The following UCP3 variants were observed in gnomAD, a reference collection of about 807,000 sequenced individuals.
UCP3 encodes putative mitochondrial transporter UCP3.
In UCP3, 24 loss-of-function variants were observed where a neutral mutation model predicts 28.1. That is an observed-to-expected ratio of 0.85 (90% CI 0.62 to 1.20). UCP3 has a LOEUF of 1.20. Among genes scored for constraint, UCP3 ranks in the 50% most tolerant of loss-of-function variants. The pLI is 0.00. For synonymous variants in UCP3, 184 were observed against 171.2 expected, an observed-to-expected ratio of 1.07 and a Z score of -0.59; for missense variants, 397 against 422.2, an observed-to-expected ratio of 0.94 and a Z score of 0.52.
intron 4 of UCP3, 47 bp from the exon 5 acceptor site, chr11:74,004,632 G>T: frequency 6.4e-7 from 1 of 1,561,340 alleles, no homozygotes; most frequent in Non-Finnish European, 8.8e-7. Context: ...TGGGGAGGGA[G>T]GAATGGGAAA....
intron 1 of UCP3, among the ~76,000 whole-genome samples, 152 bp downstream of exon 1, chr11:74,008,826 G>A (rs1277309694): frequency 6.6e-6 from 1 of 152,186 alleles, no homozygotes. Context: ...TCATAAGGTG[G>A]CGGCTGGACT....
At chr11:74,003,083 T>G in intron 6 of UCP3, 1 of 379,804 alleles carries the variant, frequency 2.6e-6, no homozygotes, top group Non-Finnish European at 3.6e-6. Flanking sequence ...AAGGGGCTGT[T>G]GGGATAACGT....
intron 6 of UCP3, chr11:74,003,574 C>T: frequency 9.8e-6 from 12 of 1,218,492 alleles, no homozygotes; most frequent in Non-Finnish European, 1.2e-5. Context: ...GGATTGCTAA[C>T]TTCCTCTGGA....
chr11:74,006,047 C>T (rs1951662743), intron 3 of UCP3, 114 bp from the exon 4 acceptor site: 15 of 1,557,916 alleles, frequency 9.6e-6, no homozygotes, highest in Non-Finnish European at 1.3e-5. Context: ...AGAGCCTCCT[C>T]ATAAGCGTCC....
At position 74,004,596 on chromosome 11, in the gene UCP3, G is replaced by A. The variant is rs201032231; in HGVS notation, c.542-11C>T. ...TGTTGGGCAAAGTTCCTGTTAGGAA[G>A]GCGGTGGGGAGGGATGTGAAATGGG... On this transcript the variant is annotated splice_polypyrimidine_tract_variant and intron_variant, in intron 4 of 6. Coordinates refer to ENST00000314032, the MANE Select transcript of UCP3 (RefSeq NM_003356.4). 215 of 1,612,670 alleles carry A rather than the reference G, an allele frequency of 1.3e-4. No individual in the cohort carries two copies. The highest frequency in any genetic ancestry group is 1.7e-4 in the Non-Finnish European group (197 of 1,178,824).
chr11:74,006,139 C>G (rs1406281871), intron 3 of UCP3, 30 bp downstream of exon 3: 1 of 1,612,852 alleles, frequency 6.2e-7, no homozygotes, highest in Admixed American at 1.7e-5. Flanking sequence ...TTCAGCCACC[C>G]CTTTGGTGTT....
Position 74,001,415 on chromosome 11 carries a change from A to G in UCP3, c.936T>C (p.Phe312=), listed in dbSNP as rs1196409052. Residue 312 remains phenylalanine, a synonymous_variant, in exon 7 of 7, where the codon TTT becomes TTC. Transcript: ENST00000314032. ...MKVQMLRESP[F] ...ACCAGTGGCCTTCTTGTCTTGTTCA[A>G]AACGGTGATTCCCGTAACATCTGGA... The G allele has an allele frequency of 6.2e-7, 1 of 1,614,174 alleles. No homozygotes were observed. The highest frequency in any genetic ancestry group is 1.7e-5 in the Admixed American group (1 of 60,022).
At chr11:74,002,957 A>C in intron 6 of UCP3, 1 of 985,230 alleles carries the variant, frequency 1.0e-6, no homozygotes, top group Non-Finnish European at 1.2e-6. Flanking sequence ...GTGGTGTCTG[A>C]CGGTCAGGGT....
chr11:74,008,756 G>A (rs1337711379), intron 1 of UCP3, among the ~76,000 whole-genome samples: 1 of 152,182 alleles, frequency 6.6e-6, no homozygotes, highest in Non-Finnish European at 1.5e-5. Context: ...GAGTGACACG[G>A]GTGTTGGGTT....
At position 74,003,971 on chromosome 11, in the gene UCP3, G is replaced by A. The variant is rs1315042019; in HGVS notation, c.680C>T (p.Ala227Val). ...FPCHFVSAFG[A>V]GFCATVVASP... ...GGCCACCACTGTGGCACAGAAGCCG[G>A]CTCCAAAGGCAGAGACAAAGTGGCA... The change falls in exon 6 of 7, where the codon GCC becomes GTC. Residue 227 changes from alanine to valine, a missense_variant. By Grantham distance (64) the Ala-to-Val change is moderately conservative (BLOSUM62 0). Coordinates refer to ENST00000314032, the MANE Select transcript of UCP3 (RefSeq NM_003356.4). 5 of 1,613,990 alleles carry A rather than the reference G, an allele frequency of 3.1e-6. No homozygotes were observed. Among genetic ancestry groups the A allele is most frequent in the Non-Finnish European group, 4.2e-6 (5 of 1,180,048 alleles).
At position 74,001,150 on chromosome 11, in the gene UCP3, A is replaced by G. The variant is rs1293113624; in HGVS notation, c.*262T>C. 1 of 495,356 alleles carries G rather than the reference A, an allele frequency of 2.0e-6. No homozygotes were observed. Among genetic ancestry groups the G allele is most frequent in the East Asian group, 3.6e-5 (1 of 27,892 alleles). 30.7% of individuals were successfully genotyped at this position (495,356 alleles called of 1,614,324 possible). A position where few individuals can be genotyped will look rare whatever the true frequency, so the allele number is the denominator to read the frequency against. On this transcript the variant is annotated 3_prime_UTR_variant, in exon 7 of 7. Transcript: ENST00000314032. ...TTGGTTTATTTTCTCTTGCCTAAAT[A>G]TTAGGCATGCCTAATGGGTTTCAAA...
In UCP3 at chr11:74,001,398, CCTT is replaced by C. The variant is rs1284886727; in HGVS notation, c.*11_*13del. 6.2e-7 allele frequency: 1 copy of C among 1,613,846 alleles called. No homozygotes were observed. The highest frequency in any genetic ancestry group is 1.7e-5 in the Admixed American group (1 of 60,018). On this transcript the variant is annotated 3_prime_UTR_variant, in exon 7 of 7. Coordinates refer to ENST00000314032, the MANE Select transcript of UCP3 (RefSeq NM_003356.4). ...TTTCGGACACGTTAGCTACCAGTGG[CCTT>C]CTTGTCTTGTTCAAAACGGTGATTC... is the stretch of plus-strand genomic sequence containing the variant.
Position 74,005,912 on chromosome 11 carries a change from A to T in UCP3, c.359T>A (p.Ile120Asn), listed in dbSNP as rs1317738862. 2 of 1,614,024 alleles carry T rather than the reference A, an allele frequency of 1.2e-6. No homozygotes were observed. Among genetic ancestry groups the T allele is most frequent in the Non-Finnish European group, 1.7e-6 (2 of 1,180,032 alleles). Residue 120 changes from isoleucine (I) to asparagine (N), a missense_variant, in exon 4 of 7, where the codon ATT becomes AAT. Ile to Asn is a moderately radical substitution (Grantham distance 149). Transcript: ENST00000314032. ...GGCTCCTGTGGTGCAGCCGGCCAAA[A>T]TCCGGGTAGTGAGGCTGGAGTCTGG... ...GADNSSLTTRILAGCTTGAMA... is the reference protein window; with the variant it reads ...GADNSSLTTRNLAGCTTGAMA...
At chr11:74,004,995 G>T (rs1951650933) in intron 4 of UCP3, among the ~76,000 whole-genome samples, 1 of 152,222 alleles carries the variant, frequency 6.6e-6, no homozygotes, top group South Asian at 2.1e-4. Flanking sequence ...GAAACTGTCA[G>T]GATCAAACCC....
intron 4 of UCP3, 127 bp from the exon 5 acceptor site, chr11:74,004,712 T>C: frequency 1.2e-6 from 1 of 821,066 alleles, no homozygotes; most frequent in Non-Finnish European, 1.9e-6. Context: ...CCCATTCCAA[T>C]GGTCTCAGCC....
chr11:74,004,586 C>T lies in UCP3; in HGVS notation c.542-1G>A. On this transcript the variant is annotated splice_acceptor_variant, in intron 4 of 6. Transcript: ENST00000314032. LOFTEE classifies it high-confidence loss of function. ...TTCCTCATGATGTTGGGCAAAGTTC[C>T]TGTTAGGAAGGCGGTGGGGAGGGAT... is the stretch of plus-strand genomic sequence containing the variant. The T allele has an allele frequency of 6.2e-7, 1 of 1,613,310 alleles. No individual in the cohort carries two copies. The highest frequency in any genetic ancestry group is 2.2e-5 in the East Asian group (1 of 44,840).
At chr11:74,007,576 T>G (rs1951676715) in intron 1 of UCP3, among the ~76,000 whole-genome samples, 1 of 152,054 alleles carries the variant, frequency 6.6e-6, no homozygotes, top group Admixed American at 6.6e-5. Flanking sequence ...GGACTACAGG[T>G]GTGCATCACC....
At chr11:74,006,004 G>A (rs1951662460) in intron 3 of UCP3, 71 bp from the exon 4 acceptor site, 2 of 1,585,688 alleles carry the variant, frequency 1.3e-6, no homozygotes, top group Non-Finnish European at 1.7e-6. Context: ...GTTCTCTGCG[G>A]GGCTGCCCCT....
intron 2 of UCP3, among the ~76,000 whole-genome samples, 161 bp downstream of exon 2, chr11:74,006,756 G>A (rs765435896): frequency 6.6e-6 from 1 of 152,192 alleles, no homozygotes; most frequent in Non-Finnish European, 1.5e-5. Context: ...TTGTCCTGGT[G>A]GATGGTGATG....
Sources: allele counts gnomAD v4.1 joint callset (sites outside exome capture counted in the v4.1 genomes callset), GRCh38; gene constraint gnomAD v4.1.1; transcripts MANE v1.5; gene names NCBI Gene and HGNC (gene_info 2026-07-23, HGNC 2026-07-21).